Variants in CDKAL1 observed in about 807,000 individuals in gnomAD.
The protein encoded by CDKAL1 is threonylcarbamoyladenosine tRNA methylthiotransferase.
CDKAL1 carries 32 observed loss-of-function variants against 68.2 expected under a neutral mutation model. That is an observed-to-expected ratio of 0.47 (90% CI 0.35 to 0.63). The LOEUF (loss-of-function observed/expected upper bound fraction) is 0.63. CDKAL1 is among the 30% of genes least tolerant of loss of function. CDKAL1 has a pLI of 0.00. For missense variants in CDKAL1, 606 were observed against 696.7 expected (o/e 0.87, Z 1.47); for synonymous variants, 234 against 244.3 (o/e 0.96, Z 0.39).
At chr6:21,131,799 A>G (rs1181949372) in intron 13 of CDKAL1, among the ~76,000 whole-genome samples, 1 of 148,142 alleles carries the variant, frequency 6.8e-6, no homozygotes, top group Admixed American at 6.8e-5. Context: ...TTTTTATTTT[A>G]AAAATATTTT....
chr6:20,756,719 A>G (rs943484043), intron 6 of CDKAL1: 1 of 152,224 alleles, frequency 6.6e-6, no homozygotes. Context: ...CAGACGTAGA[A>G]TGGAGTTCAG....
At chr6:20,672,510 C>A (rs1304445255) in intron 5 of CDKAL1, among the ~76,000 whole-genome samples, 1 of 150,458 alleles carries the variant, frequency 6.6e-6, no homozygotes, top group Admixed American at 6.6e-5. Flanking sequence ...AGCCACCATG[C>A]CTGGCTAATT....
intron 8 of CDKAL1, among the ~76,000 whole-genome samples, chr6:20,801,567 T>A (rs775766712): frequency 1.3e-5 from 2 of 152,298 alleles, no homozygotes; most frequent in Non-Finnish European, 2.9e-5. Flanking sequence ...ACATCAGACG[T>A]GACATTATAG....
intron 11 of CDKAL1, among the ~76,000 whole-genome samples, chr6:21,046,566 C>G (rs1770242878): frequency 6.6e-6 from 1 of 152,378 alleles, no homozygotes; most frequent in East Asian, 1.9e-4. Flanking sequence ...CCGCAGCTGA[C>G]AGGCCAGCCA....
chr6:21,032,803 C>T (rs747352600), intron 11 of CDKAL1, among the ~76,000 whole-genome samples: 2 of 152,126 alleles, frequency 1.3e-5, no homozygotes, highest in African/African-American at 2.4e-5. Context: ...CTGTGATGTT[C>T]GCACAACAGC....
At chr6:20,789,041 T>C (rs1193188853) in intron 8 of CDKAL1, among the ~76,000 whole-genome samples, 1 of 152,348 alleles carries the variant, frequency 6.6e-6, no homozygotes, top group South Asian at 2.1e-4. Flanking sequence ...GAATTGCTTC[T>C]CTTACTATAG....
chr6:20,660,921 T>A (rs2127770746), intron 5 of CDKAL1, among the ~76,000 whole-genome samples: 1 of 152,258 alleles, frequency 6.6e-6, no homozygotes, highest in East Asian at 1.9e-4. Context: ...TTTCAAATTG[T>A]CCAGATTTGA....
intron 8 of CDKAL1, among the ~76,000 whole-genome samples, chr6:20,793,950 A>G (rs1776008171): frequency 1.3e-5 from 2 of 151,152 alleles, no homozygotes; most frequent in South Asian, 4.1e-4. Flanking sequence ...CAGCATCAGT[A>G]TGGCTTGCCT....
At chr6:20,610,820 C>G (rs74875263) in intron 4 of CDKAL1, among the ~76,000 whole-genome samples, 13,593 of 152,184 alleles carry the variant, frequency 0.089, 686 homozygotes, top group African/African-American at 0.1. Context: ...TGCTCTTGCA[C>G]AACTGAACAT....
At chr6:20,757,121 T>C (rs1774251048) in intron 6 of CDKAL1, among the ~76,000 whole-genome samples, 1 of 151,944 alleles carries the variant, frequency 6.6e-6, no homozygotes, top group African/African-American at 2.4e-5. Context: ...TTAATAGAGA[T>C]AGGGTTTCAC....
At chr6:21,023,804 A>G (rs1265509314) in intron 11 of CDKAL1, among the ~76,000 whole-genome samples, 1 of 152,220 alleles carries the variant, frequency 6.6e-6, no homozygotes, top group Non-Finnish European at 1.5e-5. Flanking sequence ...TATTTACTAT[A>G]GATCATATCC....
chr6:20,845,736 A>T (rs564746003), intron 8 of CDKAL1, among the ~76,000 whole-genome samples: 1 of 152,332 alleles, frequency 6.6e-6, no homozygotes, highest in Admixed American at 6.5e-5. Flanking sequence ...AAGTAATGTC[A>T]GTAGTTTATG....
At chr6:21,173,576 A>G (rs1027893103) in intron 13 of CDKAL1, among the ~76,000 whole-genome samples, 1 of 152,214 alleles carries the variant, frequency 6.6e-6, no homozygotes, top group Non-Finnish European at 1.5e-5. Flanking sequence ...GTTTAGGTCA[A>G]AAACTACTTA....
chr6:20,723,284 C>A (rs138946188), intron 5 of CDKAL1, among the ~76,000 whole-genome samples: 1 of 152,166 alleles, frequency 6.6e-6, no homozygotes, highest in Non-Finnish European at 1.5e-5. Flanking sequence ...ACGCTGTCTG[C>A]GGATGGCAGA....
chr6:20,546,309 T>G (rs760889712), intron 2 of CDKAL1, 37 bp from the exon 3 acceptor site: 4 of 1,500,162 alleles, frequency 2.7e-6, no homozygotes, highest in Non-Finnish European at 3.6e-6. Flanking sequence ...AAGCAGATTT[T>G]CATAAGTTGA....
intron 13 of CDKAL1, among the ~76,000 whole-genome samples, chr6:21,133,660 T>G (rs774152534): frequency 2.0e-5 from 3 of 152,240 alleles, no homozygotes; most frequent in African/African-American, 4.8e-5. Context: ...GTCTGCTTAA[T>G]ATGTACCCAT....
intron 11 of CDKAL1, among the ~76,000 whole-genome samples, chr6:21,016,336 A>G (rs1217261324): frequency 5.9e-5 from 9 of 151,954 alleles, no homozygotes; most frequent in Non-Finnish European, 1.2e-4. Flanking sequence ...TACCTACTGT[A>G]CTTCACTCTT....
chr6:21,161,027 A>G (rs1776903936), intron 13 of CDKAL1, among the ~76,000 whole-genome samples: 1 of 152,110 alleles, frequency 6.6e-6, no homozygotes, highest in Non-Finnish European at 1.5e-5. Context: ...TAATACAGGA[A>G]GCCCCTTTTG....
chr6:21,010,179 C>A (rs904898093), intron 11 of CDKAL1, among the ~76,000 whole-genome samples: 1 of 152,032 alleles, frequency 6.6e-6, no homozygotes, highest in African/African-American at 2.4e-5. Flanking sequence ...TTGAATGTGA[C>A]CATGAGGAGA....
Sources: gnomAD v4.1 joint callset for allele counts (sites outside exome capture counted in the v4.1 genomes callset) on GRCh38, gnomAD v4.1.1 for gene constraint, MANE v1.5 for transcripts, NCBI Gene and HGNC (gene_info 2026-07-23, HGNC 2026-07-21) for gene names.